The following ANKDD1A variants were observed in gnomAD, a reference collection of about 807,000 sequenced individuals.
ANKDD1A encodes the protein ankyrin repeat and death domain containing 1A, also known as ankyrin repeat and death domain-containing protein 1A.
Under a neutral mutation model 63.5 loss-of-function variants are expected in ANKDD1A, and 59 were observed. The observed-to-expected ratio is 0.93, with a 90% CI of 0.75 to 1.15. ANKDD1A has a LOEUF of 1.15. ANKDD1A is among the 50% of genes most tolerant of loss of function. The probability of loss-of-function intolerance (pLI) is 0.00; values close to 1 mark genes in which losing one functional copy is unlikely to be tolerated. For synonymous variants in ANKDD1A, 266 were observed against 263.9 expected, an observed-to-expected ratio of 1.01 and a Z score of -0.08; for missense variants, 632 against 656.4, an observed-to-expected ratio of 0.96 and a Z score of 0.41.
At chr15:64,931,164 G>A (rs949492441) in intron 7 of ANKDD1A, among the ~76,000 whole-genome samples, 10 of 152,192 alleles carry the variant, frequency 6.6e-5, no homozygotes, top group Non-Finnish European at 1.0e-4. Context: ...AGACGTCACC[G>A]TGGACAGGAT....
At chr15:64,929,517 G>C (rs1405445376) in intron 6 of ANKDD1A, among the ~76,000 whole-genome samples, 1 of 152,092 alleles carries the variant, frequency 6.6e-6, no homozygotes, top group Non-Finnish European at 1.5e-5. Context: ...CTCAGCAGGG[G>C]CCACTTCTGA....
chr15:64,915,165 T>G (rs2140363143), intron 1 of ANKDD1A, among the ~76,000 whole-genome samples: 1 of 152,242 alleles, frequency 6.6e-6, no homozygotes, highest in South Asian at 2.1e-4. Flanking sequence ...ATTAACCAGG[T>G]GTGGTGACAC....
chr15:64,955,990 T>C (rs1566919719), intron 14 of ANKDD1A, among the ~76,000 whole-genome samples: 1 of 152,148 alleles, frequency 6.6e-6, no homozygotes, highest in African/African-American at 2.4e-5. Flanking sequence ...AGGGGACTGG[T>C]GAAATAGAGT....
At chr15:64,954,419 CTCCTCCTT>C (rs2085384986) in intron 14 of ANKDD1A, among the ~76,000 whole-genome samples, 1 of 148,970 alleles carries the variant, frequency 6.7e-6, no homozygotes, top group Non-Finnish European at 1.5e-5. Flanking sequence ...TCTTCCTCCT[CTCCTCCTT>C]CGTTCGTCGT....
chr15:64,947,504 G>A lies in ANKDD1A; in HGVS notation c.1262G>A (p.Arg421Lys). Residue 421 changes from arginine (R) to lysine (K), a missense_variant, in exon 13 of 15, where the codon AGG (arginine) becomes AAG (lysine). Coordinates refer to ENST00000319580, the MANE Select transcript of ANKDD1A (RefSeq NM_182703.6). ...LRSVLWRLAS[R>K]YLQPREWKKL... is the part of the protein sequence containing the mutation. ...TCTGTGCTGTGGCGGCTGGCCTCCA[G>A]GTATCTGCAGCCCCGTGAGTGGAAG... 3 of 1,613,966 alleles carry A rather than the reference G, an allele frequency of 1.9e-6. No homozygotes were observed. The South Asian group carries it at 3.3e-5, about 18-fold the overall frequency.
intron 9 of ANKDD1A, among the ~76,000 whole-genome samples, chr15:64,939,581 T>C (rs972234553): frequency 2.0e-5 from 3 of 152,128 alleles, no homozygotes; most frequent in Non-Finnish European, 4.4e-5. Flanking sequence ...CACACTGCGC[T>C]CCAACCTGCA....
chr15:64,921,477 C>T (rs967530174), intron 3 of ANKDD1A, among the ~76,000 whole-genome samples: 3 of 152,266 alleles, frequency 2.0e-5, no homozygotes, highest in South Asian at 2.1e-4. Flanking sequence ...TGGGTTCAAG[C>T]GATTCTCCTG....
At chr15:64,952,225 TCTC>T (rs202079785) in intron 14 of ANKDD1A, among the ~76,000 whole-genome samples, 142 of 145,990 alleles carry the variant, frequency 9.7e-4, no homozygotes, top group Middle Eastern at 3.4e-3. Context: ...TCTTCTTCCT[TCTC>T]CTCCTTTCTT....
At position 64,930,847 on chromosome 15, in the gene ANKDD1A, C is replaced by A; in HGVS notation, c.596C>A (p.Ala199Asp). ...DKEGNTALHLAAGRGHMAVLQ... is the reference protein window; with the variant it reads ...DKEGNTALHLDAGRGHMAVLQ... ...GAGGGGAACACTGCCCTTCATCTGG[C>A]TGCTGGTCGGGGCCATATGGCTGTG... The change falls in exon 7 of 15, where the codon GCT (alanine) becomes GAT (aspartate). Residue 199 changes from alanine (A) to aspartate (D), a missense_variant. Physicochemically the swap from Ala to Asp is moderately radical, Grantham distance 126 (BLOSUM62 -2). Coordinates refer to ENST00000319580, the MANE Select transcript of ANKDD1A (RefSeq NM_182703.6). The A allele has an allele frequency of 6.2e-7, 1 of 1,613,112 alleles. No homozygotes were observed. Among genetic ancestry groups the A allele is most frequent in the Non-Finnish European group, 8.5e-7 (1 of 1,179,966 alleles).
At chr15:64,941,318 A>G (rs2085183374) in intron 9 of ANKDD1A, among the ~76,000 whole-genome samples, 1 of 152,130 alleles carries the variant, frequency 6.6e-6, no homozygotes, top group East Asian at 1.9e-4. Flanking sequence ...TGTTGCTATA[A>G]CTGAATACCA....
At chr15:64,945,418 A>G (rs1474334337) in intron 12 of ANKDD1A, among the ~76,000 whole-genome samples, 2 of 151,820 alleles carry the variant, frequency 1.3e-5, no homozygotes, top group Non-Finnish European at 1.5e-5. Context: ...CTGTACAGCC[A>G]TGCTGTTTTT....
At chr15:64,914,524 C>CT (rs1345204867) in intron 1 of ANKDD1A, among the ~76,000 whole-genome samples, 2 of 152,206 alleles carry the variant, frequency 1.3e-5, no homozygotes, top group East Asian at 3.9e-4. Context: ...GAACTCCTGG[C>CT]TTCAAGCCAT....
chr15:64,949,522 G>GAA (rs2085251986), intron 13 of ANKDD1A, among the ~76,000 whole-genome samples: 1 of 152,210 alleles, frequency 6.6e-6, no homozygotes, highest in Admixed American at 6.5e-5. Flanking sequence ...CCACAACGAT[G>GAA]AAAGTCAATT....
chr15:64,923,783 C>T (rs566595990), intron 4 of ANKDD1A, among the ~76,000 whole-genome samples: 47 of 152,308 alleles, frequency 3.1e-4, no homozygotes, highest in African/African-American at 1.0e-3. Context: ...CCTGGCCTGG[C>T]TTGGCCTTGG....
chr15:64,955,505 C>G (rs988530156), intron 14 of ANKDD1A, among the ~76,000 whole-genome samples: 4 of 152,156 alleles, frequency 2.6e-5, no homozygotes, highest in African/African-American at 9.7e-5. Context: ...TGTTCTGGGG[C>G]TTGGCTGTAC....
intron 14 of ANKDD1A, among the ~76,000 whole-genome samples, chr15:64,952,357 C>A (rs896183728): frequency 7.1e-6 from 1 of 140,736 alleles, no homozygotes; most frequent in Non-Finnish European, 1.5e-5. Flanking sequence ...AGTTCTTCCT[C>A]CTTCTTCTTT....
chr15:64,940,429 TAG>T, intron 9 of ANKDD1A, among the ~76,000 whole-genome samples: 1 of 95,304 alleles, frequency 1.0e-5, no homozygotes, highest in Non-Finnish European at 2.4e-5. Context: ...GATAGATAGA[TAG>T]ATATATAGAT....
intron 3 of ANKDD1A, among the ~76,000 whole-genome samples, chr15:64,920,272 G>T (rs2084998933): frequency 6.6e-6 from 1 of 152,210 alleles, no homozygotes; most frequent in African/African-American, 2.4e-5. Context: ...CCCTACTGCA[G>T]TGGAGGTCAG....
At chr15:64,953,947 CTT>C (rs2085366879) in intron 14 of ANKDD1A, among the ~76,000 whole-genome samples, 1 of 65,040 alleles carries the variant, frequency 1.5e-5, no homozygotes, top group Non-Finnish European at 2.7e-5. Context: ...TCTTCCTCTT[CTT>C]CTATTGTTTC....
Sources: gnomAD v4.1 joint callset for allele counts (sites outside exome capture counted in the v4.1 genomes callset) on GRCh38, gnomAD v4.1.1 for gene constraint, MANE v1.5 for transcripts, NCBI Gene and HGNC (gene_info 2026-07-23, HGNC 2026-07-21) for gene names.